CLVS1: variants seen among roughly 807,000 people sequenced by gnomAD.
CLVS1 encodes clavesin 1, also known as clavesin-1.
Under a neutral mutation model 33.1 loss-of-function variants are expected in CLVS1, and 10 were observed. That is an observed-to-expected ratio of 0.30 (90% confidence interval 0.19 to 0.51). The LOEUF (loss-of-function observed/expected upper bound fraction) is 0.51. Among genes scored for constraint, CLVS1 ranks in the 20% least tolerant of loss-of-function variants. The pLI, the probability that CLVS1 is intolerant of heterozygous loss-of-function variation, is 0.97. For synonymous variants in CLVS1, 163 were observed against 166.1 expected (o/e 0.98, Z 0.14); for missense variants, 343 against 433.4 (o/e 0.79, Z 1.85).
chr8:61,314,619 T>C (rs1285612266), intron 2 of CLVS1, among the ~76,000 whole-genome samples: 1 of 152,226 alleles, frequency 6.6e-6, no homozygotes, highest in Non-Finnish European at 1.5e-5. Flanking sequence ...TCATGACGCA[T>C]GGTGACTAGA....
chr8:61,443,948 T>C (rs1354425203), intron 3 of CLVS1, among the ~76,000 whole-genome samples: 1 of 152,148 alleles, frequency 6.6e-6, no homozygotes, highest in Non-Finnish European at 1.5e-5. Flanking sequence ...ATTCTAAATA[T>C]GTTTTGTTAG....
intron 1 of CLVS1, among the ~76,000 whole-genome samples, chr8:61,068,078 G>A (rs958780814): frequency 2.6e-5 from 4 of 151,338 alleles, no homozygotes; most frequent in South Asian, 2.1e-4. Context: ...AGGCTGATGC[G>A]GGAAGATTAC....
chr8:61,468,397 C>T (rs1247526468), intron 5 of CLVS1, among the ~76,000 whole-genome samples: 1 of 152,186 alleles, frequency 6.6e-6, no homozygotes, highest in Non-Finnish European at 1.5e-5. Context: ...CTCTCATTAT[C>T]ATAGCTAAGG....
chr8:61,345,893 A>T (rs888655170), intron 2 of CLVS1, among the ~76,000 whole-genome samples: 2 of 152,080 alleles, frequency 1.3e-5, no homozygotes, highest in African/African-American at 4.8e-5. Flanking sequence ...GAGAAGGCTT[A>T]GCTTGACTTG....
chr8:61,316,487 C>A (rs1382811198), intron 2 of CLVS1, among the ~76,000 whole-genome samples: 3 of 152,238 alleles, frequency 2.0e-5, no homozygotes, highest in South Asian at 2.1e-4. Flanking sequence ...ACTGGGGAGG[C>A]AAATATCCTA....
At chr8:61,320,845 A>T (rs1811169985) in intron 2 of CLVS1, among the ~76,000 whole-genome samples, 1 of 152,168 alleles carries the variant, frequency 6.6e-6, no homozygotes, top group Admixed American at 6.5e-5. Flanking sequence ...GGGTTGGGGA[A>T]CACAAACCTC....
chr8:61,322,158 T>G (rs1401972690), intron 2 of CLVS1, among the ~76,000 whole-genome samples: 1 of 152,194 alleles, frequency 6.6e-6, no homozygotes, highest in Non-Finnish European at 1.5e-5. Context: ...GCTCATTAAA[T>G]ATGTATTGGA....
chr8:61,331,698 C>A (rs931428347), intron 2 of CLVS1, among the ~76,000 whole-genome samples: 1 of 152,120 alleles, frequency 6.6e-6, no homozygotes, highest in Non-Finnish European at 1.5e-5. Context: ...AACATCCTAT[C>A]CTGCTTTTCC....
chr8:61,226,838 G>A (rs914921576), intron 2 of CLVS1, among the ~76,000 whole-genome samples: 6 of 152,192 alleles, frequency 3.9e-5, no homozygotes, highest in African/African-American at 1.4e-4. Context: ...GACATCGGAA[G>A]GCAATGGGAT....
intron 1 of CLVS1, among the ~76,000 whole-genome samples, chr8:61,059,617 C>T (rs1804547630): frequency 6.6e-6 from 1 of 150,894 alleles, no homozygotes; most frequent in African/African-American, 2.4e-5. Context: ...TTGAGACCAG[C>T]CTGCCAATGT....
chr8:61,146,927 T>A (rs537542339), intron 2 of CLVS1, among the ~76,000 whole-genome samples: 3 of 152,348 alleles, frequency 2.0e-5, no homozygotes, highest in Non-Finnish European at 4.4e-5. Context: ...TCATACAGTC[T>A]TTAGTTAAAG....
the CLVS1 span, among the ~76,000 whole-genome samples, chr8:60,968,510 G>C: frequency 1.1e-5 from 1 of 88,460 alleles, no homozygotes; most frequent in African/African-American, 4.6e-5. Flanking sequence ...ACAAGACTCC[G>C]TTTCAAAAAA....
At chr8:60,989,714 A>T in the CLVS1 span, among the ~76,000 whole-genome samples, 2 of 152,176 alleles carry the variant, frequency 1.3e-5, no homozygotes, top group Non-Finnish European at 2.9e-5. Context: ...TTTTCAGGAA[A>T]ACCTGGGCAA....
chr8:61,492,922 G>A (rs1302479660), intron 5 of CLVS1, among the ~76,000 whole-genome samples: 4 of 152,136 alleles, frequency 2.6e-5, no homozygotes, highest in Non-Finnish European at 4.4e-5. Flanking sequence ...TTTGGTAGCT[G>A]AACAGAAGAA....
chr8:61,394,067 C>G (rs1395989894), intron 3 of CLVS1, among the ~76,000 whole-genome samples: 1 of 152,298 alleles, frequency 6.6e-6, no homozygotes, highest in Admixed American at 6.5e-5. Flanking sequence ...AGAATGATAG[C>G]CTGGCACGGT....
intron 2 of CLVS1, among the ~76,000 whole-genome samples, chr8:61,266,510 A>G (rs989103694): frequency 1.6e-4 from 24 of 152,106 alleles, no homozygotes; most frequent in African/African-American, 5.3e-4. Flanking sequence ...TCTTGGACCT[A>G]TCATCCAATC....
chr8:60,970,617 C>A, the CLVS1 span, among the ~76,000 whole-genome samples: 1 of 152,222 alleles, frequency 6.6e-6, no homozygotes, highest in African/African-American at 2.4e-5. Context: ...TCTTCTATCT[C>A]CCTGTATTGC....
chr8:61,126,612 A>G (rs901734947), intron 1 of CLVS1, among the ~76,000 whole-genome samples: 1 of 152,258 alleles, frequency 6.6e-6, no homozygotes, highest in African/African-American at 2.4e-5. Context: ...TTGCATTGTA[A>G]GAGGCAGAAA....
intron 2 of CLVS1, among the ~76,000 whole-genome samples, chr8:61,224,909 C>G (rs1000797811): frequency 1.3e-5 from 2 of 152,202 alleles, no homozygotes; most frequent in African/African-American, 2.4e-5. Context: ...GGGAGAATTT[C>G]TAACCCTCTA....
Sources: allele counts gnomAD v4.1 joint callset (sites outside exome capture counted in the v4.1 genomes callset), GRCh38; gene constraint gnomAD v4.1.1; transcripts MANE v1.5; gene names NCBI Gene and HGNC (gene_info 2026-07-23, HGNC 2026-07-21).